MDH1B: variants seen among roughly 807,000 people sequenced by gnomAD.
MDH1B encodes the protein malate dehydrogenase 1B.
Under a neutral mutation model 61.4 loss-of-function variants are expected in MDH1B, and 60 were observed. The observed-to-expected ratio is 0.98, with a 90% CI of 0.79 to 1.21. The LOEUF (loss-of-function observed/expected upper bound fraction) is 1.21. Among genes scored for constraint, MDH1B ranks in the 50% most tolerant of loss-of-function variants. MDH1B has a pLI of 0.00. For missense variants in MDH1B, 587 were observed against 632.1 expected (o/e 0.93, Z 0.76); for synonymous variants, 236 against 218.7 (o/e 1.08, Z -0.70).
chr2:206,748,288 A>G (rs374850902), intron 7 of MDH1B, among the ~76,000 whole-genome samples: 4 of 152,250 alleles, frequency 2.6e-5, no homozygotes, highest in African/African-American at 9.6e-5. Flanking sequence ...CTGGGGCAGG[A>G]GAATCACTTG....
At chr2:206,749,525 A>G (rs1011816937) in intron 6 of MDH1B, among the ~76,000 whole-genome samples, 4 of 152,228 alleles carry the variant, frequency 2.6e-5, no homozygotes, top group Non-Finnish European at 1.5e-5. Flanking sequence ...AGTACCCTAC[A>G]TATTAAACAA....
chr2:206,760,143 A>C (rs1689006855), intron 2 of MDH1B, among the ~76,000 whole-genome samples: 2 of 152,190 alleles, frequency 1.3e-5, no homozygotes, highest in African/African-American at 4.8e-5. Flanking sequence ...GCTGTCATGT[A>C]CACTCCAGGT....
chr2:206,763,126 G>A (rs559109772), intron 1 of MDH1B, among the ~76,000 whole-genome samples: 1 of 151,862 alleles, frequency 6.6e-6, no homozygotes, highest in South Asian at 2.1e-4. Flanking sequence ...GGTCTATGAT[G>A]TATTTTGTCA....
intron 2 of MDH1B, among the ~76,000 whole-genome samples, chr2:206,758,929 C>T (rs954050314): frequency 6.6e-6 from 1 of 150,628 alleles, no homozygotes; most frequent in African/African-American, 2.4e-5. Flanking sequence ...CTGAGGAGCC[C>T]AGTGTGGCTG....
At chr2:206,741,297 T>G (rs888188031) in intron 9 of MDH1B, 193 bp from the exon 10 acceptor site, 1 of 732,192 alleles carries the variant, frequency 1.4e-6, no homozygotes, top group African/African-American at 1.8e-5. Context: ...CATGAAATAA[T>G]ACTTATCTTT....
chr2:206,749,657 T>G (rs1255529296), intron 6 of MDH1B, among the ~76,000 whole-genome samples: 1 of 152,244 alleles, frequency 6.6e-6, no homozygotes, highest in African/African-American at 2.4e-5. Context: ...AGGATGGAAC[T>G]CAGGTCTAAA....
At chr2:206,748,537 C>G (rs1688255382) in intron 7 of MDH1B, among the ~76,000 whole-genome samples, 1 of 152,218 alleles carries the variant, frequency 6.6e-6, no homozygotes, top group South Asian at 2.1e-4. Flanking sequence ...TGAAGTGCCT[C>G]TCTCTATCCT....
At chr2:206,758,630 G>A (rs1418158440) in intron 2 of MDH1B, among the ~76,000 whole-genome samples, 2 of 152,140 alleles carry the variant, frequency 1.3e-5, no homozygotes, top group Non-Finnish European at 2.9e-5. Context: ...GCCAGGCGTG[G>A]TGATGGGTGC....
intron 9 of MDH1B, 98 bp downstream of exon 9, chr2:206,745,523 TA>T: frequency 1.1e-6 from 1 of 903,402 alleles, no homozygotes; most frequent in Non-Finnish European, 1.7e-6. Flanking sequence ...TGACAAAATA[TA>T]AATGAGAGTT....
At chr2:206,742,398 AC>A (rs1687861845) in intron 9 of MDH1B, among the ~76,000 whole-genome samples, 1 of 152,120 alleles carries the variant, frequency 6.6e-6, no homozygotes, top group African/African-American at 2.4e-5. Flanking sequence ...ACTCTGATGA[AC>A]CTTTTTTGCC....
At chr2:206,758,963 GTT>G (rs1374908161) in intron 2 of MDH1B, among the ~76,000 whole-genome samples, 1 of 108,642 alleles carries the variant, frequency 9.2e-6, no homozygotes, top group African/African-American at 4.5e-5. Context: ...AAGGCTGTTT[GTT>G]TTTTTTTTTT....
intron 7 of MDH1B, among the ~76,000 whole-genome samples, chr2:206,747,927 A>G (rs1688209697): frequency 6.6e-6 from 1 of 152,182 alleles, no homozygotes; most frequent in South Asian, 2.1e-4. Context: ...TCCAGGTGAC[A>G]ATGTTTCAGA....
intron 11 of MDH1B, among the ~76,000 whole-genome samples, 162 bp from the exon 12 acceptor site, chr2:206,738,673 T>C (rs546251566): frequency 6.6e-6 from 1 of 152,264 alleles, no homozygotes; most frequent in South Asian, 2.1e-4. Context: ...AGCCATGAGA[T>C]CATAGTTAGG....
intron 7 of MDH1B, among the ~76,000 whole-genome samples, chr2:206,747,936 G>A (rs1007809017): frequency 6.6e-6 from 1 of 152,212 alleles, no homozygotes; most frequent in African/African-American, 2.4e-5. Context: ...CAATGTTTCA[G>A]AAGCTAGAGC....
intron 5 of MDH1B, among the ~76,000 whole-genome samples, chr2:206,751,846 A>T (rs1033417998): frequency 1.3e-5 from 2 of 152,226 alleles, no homozygotes; most frequent in Non-Finnish European, 2.9e-5. Context: ...GAAAACTTTA[A>T]ATAAATAATT....
At chr2:206,747,471 C>T (rs1367266970) in intron 7 of MDH1B, among the ~76,000 whole-genome samples, 1 of 152,066 alleles carries the variant, frequency 6.6e-6, no homozygotes, top group Non-Finnish European at 1.5e-5. Context: ...TGCCTATTTC[C>T]CTAAGGAGAT....
At chr2:206,762,118 G>A (rs1689133441) in intron 1 of MDH1B, among the ~76,000 whole-genome samples, 1 of 152,062 alleles carries the variant, frequency 6.6e-6, no homozygotes, top group Admixed American at 6.5e-5. Context: ...CCTCAACCCT[G>A]CGTGGAGATC....
intron 9 of MDH1B, 91 bp downstream of exon 9, chr2:206,745,531 A>T: frequency 1.1e-6 from 1 of 933,124 alleles, no homozygotes; most frequent in Non-Finnish European, 1.7e-6. Flanking sequence ...TATAAATGAG[A>T]GTTATTCATA....
intron 1 of MDH1B, 31 bp downstream of exon 1, chr2:206,765,219 C>T: frequency 6.3e-7 from 1 of 1,599,148 alleles, no homozygotes; most frequent in Non-Finnish European, 8.5e-7. Context: ...GCGTTTTGAG[C>T]AATCTGCGGG....
Sources: allele counts gnomAD v4.1 joint callset (sites outside exome capture counted in the v4.1 genomes callset), GRCh38; gene constraint gnomAD v4.1.1; transcripts MANE v1.5; gene names NCBI Gene and HGNC (gene_info 2026-07-23, HGNC 2026-07-21).